The following KLHL7 variants were observed in gnomAD, a reference collection of about 807,000 sequenced individuals.
KLHL7 encodes kelch-like protein 7.
A neutral mutation model predicts 67.4 loss-of-function variants in KLHL7; 44 were observed. The observed-to-expected ratio is 0.65, with a 90% confidence interval of 0.51 to 0.84. The LOEUF is 0.84. KLHL7 is among the 40% of genes least tolerant of loss of function. KLHL7 has a pLI of 0.00. For missense variants in KLHL7, 362 were observed against 718.1 expected (o/e 0.50, Z 5.67); for synonymous variants, 252 against 243.3 (o/e 1.04, Z -0.33).
intron 1 of KLHL7, among the ~76,000 whole-genome samples, chr7:23,116,611 T>A (rs1449760964): frequency 2.6e-5 from 4 of 152,224 alleles, no homozygotes; most frequent in Non-Finnish European, 5.9e-5. Flanking sequence ...TTTGCTTGCA[T>A]ACATATTCCT....
intron 4 of KLHL7, among the ~76,000 whole-genome samples, chr7:23,140,316 A>G (rs1202728566): frequency 6.6e-6 from 1 of 152,230 alleles, no homozygotes; most frequent in East Asian, 1.9e-4. Context: ...GCACTTTGGG[A>G]GGCCAGGGTG....
At chr7:23,130,644 A>G (rs1783763589) in intron 4 of KLHL7, among the ~76,000 whole-genome samples, 1 of 152,202 alleles carries the variant, frequency 6.6e-6, no homozygotes, top group South Asian at 2.1e-4. Context: ...ATGAATTTTC[A>G]ATGGAAAATG....
At chr7:23,141,045 G>T (rs769441681) in intron 5 of KLHL7, 101 bp downstream of exon 5, 61 of 1,021,798 alleles carry the variant, frequency 6.0e-5, no homozygotes, top group Non-Finnish European at 8.1e-5. Flanking sequence ...GTCATATTAG[G>T]AAAGAATATG....
At chr7:23,164,624 A>G (rs1583728148) in intron 7 of KLHL7, among the ~76,000 whole-genome samples, 1 of 152,200 alleles carries the variant, frequency 6.6e-6, no homozygotes, top group Non-Finnish European at 1.5e-5. Context: ...ATCCTAAGCT[A>G]TTAAGGCTCT....
intron 9 of KLHL7, among the ~76,000 whole-genome samples, chr7:23,170,030 T>C (rs858268): frequency 0.063 from 9,608 of 152,162 alleles, 469 homozygotes; most frequent in African/African-American, 0.13. Context: ...ACCAACATGG[T>C]GAAACTCTGT....
At chr7:23,159,346 T>C (rs145083533) in intron 7 of KLHL7, among the ~76,000 whole-genome samples, 5 of 152,154 alleles carry the variant, frequency 3.3e-5, no homozygotes, top group Admixed American at 1.3e-4. Context: ...AAAAATTTTT[T>C]TGTGTGGAGA....
chr7:23,137,483 T>G (rs1395044830), intron 4 of KLHL7, among the ~76,000 whole-genome samples: 2 of 141,834 alleles, frequency 1.4e-5, no homozygotes, highest in Non-Finnish European at 3.0e-5. Flanking sequence ...ACCAAAACTG[T>G]CTTTTTTTTT....
rs371633459 is a variant in KLHL7 at position 23,177,538 on chromosome 7, G to A, written c.*3240G>A. On this transcript the variant is annotated 3_prime_UTR_variant, in exon 11 of 11. Coordinates refer to ENST00000339077, the MANE Select transcript of KLHL7 (RefSeq NM_001031710.3). Reference sequence around the variant, plus strand: ...AGAATTGTCAATATCAGGATAGTGCGTAAAAGTACACTCACCATACTGACA... The same window carrying A: ...AGAATTGTCAATATCAGGATAGTGCATAAAAGTACACTCACCATACTGACA... The A allele has an allele frequency of 2.3e-4, 35 of 152,170 alleles. No homozygotes were observed. The highest frequency in any genetic ancestry group is 8.2e-4 in the African/African-American group (34 of 41,516). 9.4% of individuals were successfully genotyped at this position (152,170 alleles called of 1,614,324 possible). A position where few individuals can be genotyped will look rare whatever the true frequency, so the allele number is the denominator to read the frequency against.
chr7:23,105,883 G>A lies in KLHL7; in HGVS notation c.-144G>A. ...GTCTTTCGGCAGTGGCCGAGCCACC[G>A]CCGCCTGCCGCGCGTTCCAGAGCTG... On this transcript the variant is annotated 5_prime_UTR_variant, in exon 1 of 11. Coordinates refer to ENST00000339077, the MANE Select transcript of KLHL7 (RefSeq NM_001031710.3). 2 of 1,315,206 alleles carry A rather than the reference G, an allele frequency of 1.5e-6. No homozygotes were observed. The highest frequency in any genetic ancestry group is 2.1e-6 in the Non-Finnish European group (2 of 950,772). The allele number at this position is 1,315,206 out of a possible 1,614,324, so 81.5% of individuals were successfully genotyped here. A position where few individuals can be genotyped will look rare whatever the true frequency, so the allele number is the denominator to read the frequency against.
intron 8 of KLHL7, among the ~76,000 whole-genome samples, chr7:23,166,570 C>T (rs1422263181): frequency 6.6e-6 from 1 of 152,074 alleles, no homozygotes; most frequent in Non-Finnish European, 1.5e-5. Flanking sequence ...ATTTCTTTAG[C>T]TTAAATAATG....
At chr7:23,168,833 G>A (rs1785074630) in intron 9 of KLHL7, among the ~76,000 whole-genome samples, 1 of 152,146 alleles carries the variant, frequency 6.6e-6, no homozygotes, top group Admixed American at 6.5e-5. Context: ...ACAAGTTACT[G>A]GGTGAATACG....
chr7:23,151,927 C>G (rs1268494684), intron 6 of KLHL7, 140 bp from the exon 7 acceptor site: 2 of 770,924 alleles, frequency 2.6e-6, no homozygotes, highest in East Asian at 5.3e-5. Context: ...GCCTCTTCCC[C>G]CTCACTTTCC....
intron 7 of KLHL7, among the ~76,000 whole-genome samples, chr7:23,160,240 A>G (rs1784820828): frequency 6.6e-6 from 1 of 152,250 alleles, no homozygotes; most frequent in Non-Finnish European, 1.5e-5. Context: ...CAATCTGTTT[A>G]GATAACTGGC....
intron 1 of KLHL7, chr7:23,118,091 C>CT (rs1783173706): frequency 8.8e-7 from 1 of 1,140,528 alleles, no homozygotes; most frequent in African/African-American, 1.5e-5. Context: ...TGCTTTAGCA[C>CT]TTACATGGAC....
At chr7:23,166,406 A>AT (rs1785005988) in intron 8 of KLHL7, among the ~76,000 whole-genome samples, 1 of 152,070 alleles carries the variant, frequency 6.6e-6, no homozygotes, top group Non-Finnish European at 1.5e-5. Context: ...ATTTATGCTT[A>AT]TTGAGCAGAA....
At position 23,176,144 on chromosome 7, in the gene KLHL7, A is replaced by C. The variant is rs928478832; in HGVS notation, c.*1846A>C. ...TAGGGCTACCATAACAAACTACTGC[A>C]AACTTGGTGGCTTTAAAGAACAGAA... On this transcript the variant is annotated 3_prime_UTR_variant, in exon 11 of 11. Transcript: ENST00000339077. 6.6e-6 allele frequency: 1 copy of C among 152,138 alleles called. No homozygotes were observed. The highest frequency in any genetic ancestry group is 2.4e-5 in the African/African-American group (1 of 41,394). 9.4% of individuals were successfully genotyped at this position (152,138 alleles called of 1,614,324 possible).
chr7:23,119,605 T>C (rs1253538924), intron 1 of KLHL7, among the ~76,000 whole-genome samples: 1 of 152,232 alleles, frequency 6.6e-6, no homozygotes, highest in Non-Finnish European at 1.5e-5. Context: ...GTATACACCA[T>C]TACAATATCC....
chr7:23,150,034 C>T (rs762343323), intron 6 of KLHL7, among the ~76,000 whole-genome samples: 6 of 152,160 alleles, frequency 3.9e-5, no homozygotes, highest in Non-Finnish European at 7.3e-5. Context: ...TGTTTCAGGC[C>T]TGCAATCCCA....
chr7:23,140,588 A>T (rs572623624), intron 4 of KLHL7, 181 bp from the exon 5 acceptor site: 8 of 683,202 alleles, frequency 1.2e-5, no homozygotes, highest in Non-Finnish European at 2.0e-5. Context: ...CAAAAAAAAA[A>T]CCAGTCTTTT....
Sources: allele counts gnomAD v4.1 joint callset (sites outside exome capture counted in the v4.1 genomes callset), GRCh38; gene constraint gnomAD v4.1.1; transcripts MANE v1.5; gene names NCBI Gene and HGNC (gene_info 2026-07-23, HGNC 2026-07-21).